DRC1: variants seen among roughly 807,000 people sequenced by gnomAD.
DRC1 encodes dynein regulatory complex subunit 1.
DRC1 carries 74 observed loss-of-function variants against 98.7 expected under a neutral mutation model. The ratio of observed to expected loss-of-function variants is 0.75; its 90% CI spans 0.62 to 0.91. The LOEUF (loss-of-function observed/expected upper bound fraction) is 0.91, where lower values mean the gene tolerates loss of function less well. Among genes scored for constraint, DRC1 ranks in the 40% least tolerant of loss-of-function variants. DRC1 has a pLI of 0.00. For missense variants in DRC1, 875 were observed against 886.0 expected, an observed-to-expected ratio of 0.99 and a Z score of 0.16; for synonymous variants, 336 against 334.1, an observed-to-expected ratio of 1.01 and a Z score of -0.06.
At chr2:26,405,576 G>A (rs977145820) in intron 1 of DRC1, among the ~76,000 whole-genome samples, 4 of 151,686 alleles carry the variant, frequency 2.6e-5, no homozygotes, top group African/African-American at 4.8e-5. Flanking sequence ...GTTGTACTGG[G>A]CATTCAATTA....
At chr2:26,424,602 T>C in intron 4 of DRC1, 148 bp downstream of exon 4, 1 of 825,808 alleles carries the variant, frequency 1.2e-6, no homozygotes, top group Non-Finnish European at 1.8e-6. Flanking sequence ...TAAACTTTTT[T>C]CCATGATGGT....
chr2:26,437,723 C>T (rs59094240), intron 7 of DRC1, among the ~76,000 whole-genome samples: 2,883 of 150,784 alleles, frequency 0.019, 81 homozygotes, highest in African/African-American at 0.062. Flanking sequence ...TATATATATA[C>T]ACACACACAC....
chr2:26,430,908 G>A (rs1411073781), intron 6 of DRC1, 36 bp downstream of exon 6: 21 of 1,557,634 alleles, frequency 1.3e-5, no homozygotes, highest in Non-Finnish European at 1.7e-5. Context: ...GATCCGTGGG[G>A]TCTGGGTGAT....
At chr2:26,446,724 T>G (rs1663861676) in intron 10 of DRC1, among the ~76,000 whole-genome samples, 1 of 152,166 alleles carries the variant, frequency 6.6e-6, no homozygotes, top group South Asian at 2.1e-4. Flanking sequence ...TAAAGACAGT[T>G]TACACTGTTT....
intron 1 of DRC1, among the ~76,000 whole-genome samples, chr2:26,410,976 G>T (rs1371728781): frequency 6.6e-6 from 1 of 152,218 alleles, no homozygotes; most frequent in African/African-American, 2.4e-5. Context: ...TTCCAACCTA[G>T]AACTCTAAAC....
At chr2:26,410,899 A>G (rs1029090473) in intron 1 of DRC1, among the ~76,000 whole-genome samples, 2 of 152,270 alleles carry the variant, frequency 1.3e-5, no homozygotes, top group African/African-American at 4.8e-5. Context: ...AAAGAAAGGC[A>G]TAAAGACAGA....
intron 1 of DRC1, among the ~76,000 whole-genome samples, chr2:26,412,193 T>C (rs1249507468): frequency 6.6e-6 from 1 of 152,090 alleles, no homozygotes; most frequent in Non-Finnish European, 1.5e-5. Context: ...TCCTGGACTT[T>C]GAACAAAGGG....
chr2:26,428,578 C>T (rs1463776853), intron 4 of DRC1, among the ~76,000 whole-genome samples: 1 of 152,162 alleles, frequency 6.6e-6, no homozygotes, highest in Non-Finnish European at 1.5e-5. Context: ...GCAGGTGGAT[C>T]ACGAGGTCAG....
chr2:26,445,179 A>G (rs558401199), intron 10 of DRC1, among the ~76,000 whole-genome samples: 2 of 152,300 alleles, frequency 1.3e-5, no homozygotes, highest in South Asian at 2.1e-4. Flanking sequence ...TGCTAAGTAC[A>G]CTATTGTGTA....
At chr2:26,449,718 G>C (rs1663949470) in intron 11 of DRC1, among the ~76,000 whole-genome samples, 1 of 152,252 alleles carries the variant, frequency 6.6e-6, no homozygotes, top group South Asian at 2.1e-4. Flanking sequence ...TGGCTTGTGG[G>C]TGAGGTGGGT....
In DRC1 at chr2:26,448,698, G is replaced by A. The variant is rs771373137; in HGVS notation, c.1404G>A (p.Glu468=). Residue 468 remains glutamate (E), a synonymous_variant, in exon 11 of 17, where the codon GAG becomes GAA. Coordinates refer to ENST00000288710, the MANE Select transcript of DRC1 (RefSeq NM_145038.5). The part of the protein sequence containing the change: ...VEEMLMRSEE[E]EAEEAAAEPE... Reference sequence around the variant, plus strand: ...CCCATGACCCAACTGCAGAAGAGGAGGAGGCAGAAGAGGCCGCCGCGGAAC... The same window carrying A: ...CCCATGACCCAACTGCAGAAGAGGAAGAGGCAGAAGAGGCCGCCGCGGAAC... 3.7e-6 allele frequency: 6 copies of A among 1,614,182 alleles called. No individual in the cohort carries two copies. The highest frequency in any genetic ancestry group is 1.1e-5 in the South Asian group (1 of 91,082).
At chr2:26,422,506 C>T (rs952501535) in intron 3 of DRC1, among the ~76,000 whole-genome samples, 17 of 152,158 alleles carry the variant, frequency 1.1e-4, no homozygotes, top group African/African-American at 3.6e-4. Context: ...AGCAGGGAGG[C>T]ATAAGCGGCT....
chr2:26,425,617 T>C (rs1280027162), intron 4 of DRC1, among the ~76,000 whole-genome samples: 1 of 152,174 alleles, frequency 6.6e-6, no homozygotes, highest in South Asian at 2.1e-4. Flanking sequence ...TCCGTGTTGA[T>C]GGTGTGAGGC....
chr2:26,416,783 T>C (rs1159579544), intron 2 of DRC1, among the ~76,000 whole-genome samples: 1 of 152,220 alleles, frequency 6.6e-6, no homozygotes, highest in Non-Finnish European at 1.5e-5. Flanking sequence ...TATATGTCTG[T>C]CTGTATTAGT....
chr2:26,445,018 A>C, intron 10 of DRC1, 70 bp downstream of exon 10: 1 of 1,502,438 alleles, frequency 6.7e-7, no homozygotes, highest in Non-Finnish European at 9.1e-7. Flanking sequence ...CAAGCCAGTC[A>C]CGTTAGAGAT....
rs146049908 is a variant in DRC1 at position 26,402,015 on chromosome 2, C to T, written c.26C>T (p.Ala9Val). 3.5e-4 allele frequency: 564 copies of T among 1,610,364 alleles called. No homozygotes were observed. The highest frequency in any genetic ancestry group is 3.5e-3 in the Middle Eastern group (21 of 6,056). Reference sequence around the variant, plus strand: ...ATGAATCCGCCGGGGTCCCTAGAGGCCCTGGACCCGAACGTGGACGAGCAC... The same window carrying T: ...ATGAATCCGCCGGGGTCCCTAGAGGTCCTGGACCCGAACGTGGACGAGCAC... The part of the protein sequence containing the change: MNPPGSLE[A>V]LDPNVDEHLS... The change falls in exon 1 of 17, where the codon GCC becomes GTC. Residue 9 changes from alanine to valine, a missense_variant. By Grantham distance (64) the Ala-to-Val change is moderately conservative. Coordinates refer to ENST00000288710, the MANE Select transcript of DRC1 (RefSeq NM_145038.5).
chr2:26,445,968 G>GT (rs1025682516), intron 10 of DRC1, among the ~76,000 whole-genome samples: 7 of 151,704 alleles, frequency 4.6e-5, no homozygotes, highest in Non-Finnish European at 5.9e-5. Flanking sequence ...AGCCCTAGTA[G>GT]TTTTTTTTAA....
At chr2:26,402,193 A>G (rs1678268411) in intron 1 of DRC1, 49 bp downstream of exon 1, 2 of 1,514,134 alleles carry the variant, frequency 1.3e-6, no homozygotes, top group African/African-American at 2.8e-5. Flanking sequence ...GGAGCCGGAG[A>G]AGGGCTGGTT....
At chr2:26,451,871 CAT>C (rs1352305211) in intron 13 of DRC1, among the ~76,000 whole-genome samples, 2 of 152,098 alleles carry the variant, frequency 1.3e-5, no homozygotes, top group Non-Finnish European at 2.9e-5. Context: ...ATTTTCAACT[CAT>C]ATCATAGTTA....
Sources: allele counts gnomAD v4.1 joint callset (sites outside exome capture counted in the v4.1 genomes callset), GRCh38; gene constraint gnomAD v4.1.1; transcripts MANE v1.5; gene names NCBI Gene and HGNC (gene_info 2026-07-23, HGNC 2026-07-21).